Variants in ATP2B2 observed in about 807,000 individuals in gnomAD.
ATP2B2 encodes plasma membrane calcium-transporting ATPase 2.
ATP2B2 carries 15 observed loss-of-function variants against 120.0 expected under a neutral mutation model. The ratio of observed to expected loss-of-function variants is 0.12; its 90% CI spans 0.08 to 0.19. ATP2B2 has a LOEUF of 0.19. ATP2B2 is among the 10% of genes least tolerant of loss of function. The probability of loss-of-function intolerance (pLI) is 1.00; values close to 1 mark genes in which losing one functional copy is unlikely to be tolerated. For synonymous variants in ATP2B2, 694 were observed against 700.3 expected (o/e 0.99, Z 0.14); for missense variants, 1,045 against 1,719.8 (o/e 0.61, Z 6.94).
intron 9 of ATP2B2, 35 bp downstream of exon 9, chr3:10,379,208 G>A: frequency 6.2e-7 from 1 of 1,609,732 alleles, no homozygotes; most frequent in Non-Finnish European, 8.5e-7. Flanking sequence ...AGGGGCCTCA[G>A]GGACGACAAA....
intron 22 of ATP2B2, chr3:10,332,099 G>A (rs2059996246): frequency 6.8e-7 from 1 of 1,464,408 alleles, no homozygotes; most frequent in East Asian, 2.5e-5. Flanking sequence ...CCCCCACAAA[G>A]CAAGCCATTT....
At chr3:10,707,265 G>A (rs751634691) in intron 1 of ATP2B2, among the ~76,000 whole-genome samples, 7 of 152,204 alleles carry the variant, frequency 4.6e-5, no homozygotes, top group Non-Finnish European at 1.0e-4. Context: ...GGACCCGTGC[G>A]TGCTTGGGGT....
In ATP2B2 at chr3:10,388,163, C is replaced by T; in HGVS notation, c.907+114G>A. ...AGGATGCAGGAGGTGGCTGTCAGCACAGGGTGCGGACGTAGAAGGCACTCA... is the reference window on the plus strand; with the variant it reads ...AGGATGCAGGAGGTGGCTGTCAGCATAGGGTGCGGACGTAGAAGGCACTCA... On this transcript the variant is annotated intron_variant, in intron 6 of 22. Transcript: ENST00000360273. 1.3e-6 allele frequency: 2 copies of T among 1,518,858 alleles called. 1 individual carries two copies. Among genetic ancestry groups the T allele is most frequent in the South Asian group, 2.3e-5 (2 of 88,484 alleles). The allele number at this position is 1,518,858 out of a possible 1,614,324, so 94.1% of individuals were successfully genotyped here. A position where few individuals can be genotyped will look rare whatever the true frequency, so the allele number is the denominator to read the frequency against.
chr3:10,380,680 C>A (rs1310386686), intron 8 of ATP2B2, among the ~76,000 whole-genome samples: 15 of 152,204 alleles, frequency 9.9e-5, no homozygotes, highest in Non-Finnish European at 1.5e-5. Context: ...CACCCCTCAG[C>A]CCCTCTGAGC....
intron 1 of ATP2B2, among the ~76,000 whole-genome samples, chr3:10,705,534 G>GC (rs1304294600): frequency 6.6e-6 from 1 of 152,194 alleles, no homozygotes; most frequent in African/African-American, 2.4e-5. Flanking sequence ...TTGTGCTACT[G>GC]CCTACAAGTC....
chr3:10,365,962 C>T (rs1278675964), intron 12 of ATP2B2, among the ~76,000 whole-genome samples: 2 of 112,532 alleles, frequency 1.8e-5, no homozygotes, highest in African/African-American at 6.7e-5. Flanking sequence ...AACTCTTCTT[C>T]CAGAGACGGT....
chr3:10,404,990 T>A (rs2062361427), intron 3 of ATP2B2, among the ~76,000 whole-genome samples: 1 of 152,210 alleles, frequency 6.6e-6, no homozygotes, highest in East Asian at 1.9e-4. Context: ...GAGCAGTTAC[T>A]GGAGCATTTG....
intron 2 of ATP2B2, among the ~76,000 whole-genome samples, chr3:10,573,872 C>T (rs996791941): frequency 3.3e-5 from 5 of 152,136 alleles, no homozygotes; most frequent in Admixed American, 6.5e-5. Context: ...AGCTGTCAGC[C>T]CAGCAAATAC....
chr3:10,342,876 C>T lies in ATP2B2; in HGVS notation c.2793G>A (p.Thr931=), dbSNP rs763308426. Residue 931 remains threonine, a synonymous_variant, in exon 19 of 23, where the codon ACG becomes ACA. Coordinates refer to ENST00000360273, the MANE Select transcript of ATP2B2 (RefSeq NM_001001331.4). The surrounding 1 kb of genome is among the most constrained non-coding windows in gnomAD (Gnocchi z 4.4). ...ACGGCTTCCTCAGCAGCAGGGTCTC[C>T]GTGGGCGGCTCAGTGGCCAGTGCCA... ...ASLALATEPP[T]ETLLLRKPYG... 38 of 1,614,050 alleles carry T rather than the reference C, an allele frequency of 2.4e-5. No homozygotes were observed. Among genetic ancestry groups the T allele is most frequent in the South Asian group, 1.2e-4 (11 of 91,064 alleles).
intron 1 of ATP2B2, among the ~76,000 whole-genome samples, chr3:10,649,118 T>C (rs2125662460): frequency 6.6e-6 from 1 of 152,346 alleles, no homozygotes; most frequent in East Asian, 1.9e-4. Flanking sequence ...CTTCCTTTGT[T>C]AGCTGGTCTG....
chr3:10,359,725 GCAGGGC>G lies in ATP2B2; in HGVS notation c.1901+151_1901+156del, dbSNP rs529438032. 1.5e-3 allele frequency among the ~76,000 whole-genome samples: 227 copies of G among 152,290 alleles called. 1 individual carries two copies. The highest frequency in any genetic ancestry group is 1.7e-3 in the Non-Finnish European group (116 of 68,012). ...GATGAGTCTTGCTGGGTGACCTTGG[GCAGGGC>G]CCTCTGTGGCTCTGGGTGCTAGACG... is the stretch of plus-strand genomic sequence containing the variant. On this transcript the variant is annotated intron_variant, in intron 13 of 22. Transcript: ENST00000360273.
chr3:10,625,943 G>GT (rs2069686564), intron 1 of ATP2B2: 1 of 152,122 alleles, frequency 6.6e-6, no homozygotes. Flanking sequence ...TTTTTCTAAA[G>GT]TTTTTTAAAA....
intron 2 of ATP2B2, among the ~76,000 whole-genome samples, chr3:10,562,715 T>A (rs1228118306): frequency 6.6e-6 from 1 of 152,212 alleles, no homozygotes; most frequent in Non-Finnish European, 1.5e-5. Context: ...ATTCAAGAAT[T>A]GGGCAAACAT....
intron 1 of ATP2B2, among the ~76,000 whole-genome samples, chr3:10,632,384 C>A (rs892762502): frequency 2.6e-5 from 4 of 152,112 alleles, no homozygotes; most frequent in Non-Finnish European, 5.9e-5. Context: ...TTTGAGTTTG[C>A]CACCCCGGGG....
At chr3:10,604,489 C>T (rs1428995904) in intron 2 of ATP2B2, among the ~76,000 whole-genome samples, 7 of 152,214 alleles carry the variant, frequency 4.6e-5, no homozygotes, top group Non-Finnish European at 8.8e-5. Flanking sequence ...TGGCCCCCAG[C>T]TATCAGACAC....
At chr3:10,386,830 C>T (rs557613574) in intron 6 of ATP2B2, among the ~76,000 whole-genome samples, 2 of 152,312 alleles carry the variant, frequency 1.3e-5, no homozygotes, top group East Asian at 3.9e-4. Flanking sequence ...TTTCTGACAT[C>T]TCCATCTCAC....
At chr3:10,686,043 C>CTTTTTTTTTTTTTTTTTTTTTTTTT (rs34073958) in intron 1 of ATP2B2, among the ~76,000 whole-genome samples, 27 of 93,212 alleles carry the variant, frequency 2.9e-4, no homozygotes, top group African/African-American at 1.1e-3. Context: ...TTCCTCCTTT[C>CTTTTTTTTTTTTTTTTTTTTTTTTT]TTTTTTTTTT....
In ATP2B2 at chr3:10,464,097, C is replaced by A. The variant is rs142443263; in HGVS notation, c.-319-14235G>T. 2.2e-3 allele frequency among the ~76,000 whole-genome samples: 328 copies of A among 152,312 alleles called. 1 individual carries two copies. The highest frequency in any genetic ancestry group is 3.2e-3 in the Non-Finnish European group (217 of 68,024). On this transcript the variant is annotated intron_variant, in intron 1 of 22. Coordinates refer to ENST00000360273, the MANE Select transcript of ATP2B2 (RefSeq NM_001001331.4). ...TGGCTGAAGTGTGACCATGGGGGGG[C>A]CTGACTAGCTCTGTAGCTCTTCCCC...
Position 10,407,156 on chromosome 3 carries a change from G to A in ATP2B2, c.397+3462C>T, listed in dbSNP as rs145574069. Among the ~76,000 whole-genome samples the A allele has an allele frequency of 9.9e-5, 15 of 152,268 alleles. No homozygotes were observed. In the East Asian group the frequency reaches 2.9e-3, roughly 29 times the overall value. On this transcript the variant is annotated intron_variant, in intron 3 of 22. Coordinates refer to ENST00000360273, the MANE Select transcript of ATP2B2 (RefSeq NM_001001331.4). ...GGGTGAGTCCCCACCCTCCCCTCTT[G>A]GAGCTCCAGTTCCCTCACCTGCCAG...
Sources: allele counts gnomAD v4.1 joint callset (sites outside exome capture counted in the v4.1 genomes callset), GRCh38; gene constraint gnomAD v4.1.1; non-coding constraint Gnocchi (gnomAD v3.1); transcripts MANE v1.5; gene names NCBI Gene and HGNC (gene_info 2026-07-23, HGNC 2026-07-21).